MAN1B1: variants seen among roughly 807,000 people sequenced by gnomAD.
MAN1B1 encodes endoplasmic reticulum mannosyl-oligosaccharide 1,2-alpha-mannosidase.
Under a neutral mutation model 75.5 loss-of-function variants are expected in MAN1B1, and 66 were observed. That is an observed-to-expected ratio of 0.87 (90% CI 0.72 to 1.07). MAN1B1 has a LOEUF of 1.07. Among genes scored for constraint, MAN1B1 ranks in the 50% least tolerant of loss-of-function variants. MAN1B1 has a pLI of 0.00. For synonymous variants in MAN1B1, 453 were observed against 382.8 expected, an observed-to-expected ratio of 1.18 and a Z score of -2.14; for missense variants, 973 against 912.5, an observed-to-expected ratio of 1.07 and a Z score of -0.85.
In MAN1B1 at chr9:137,108,609, G is replaced by T; in HGVS notation, c.*18G>T. 1 of 1,612,906 alleles carries T rather than the reference G, an allele frequency of 6.2e-7. No individual in the cohort carries two copies. Among genetic ancestry groups the T allele is most frequent in the Non-Finnish European group, 8.5e-7 (1 of 1,179,454 alleles). ...CTGCCTAGGGTGGATGGCTGCTGGT[G>T]TGGGGACTTCGGGTGGGCAGAGGCA... On this transcript the variant is annotated 3_prime_UTR_variant, in exon 13 of 13. Transcript: ENST00000371589.
At chr9:137,102,529 G>A (rs1339732732) in intron 8 of MAN1B1, 16 of 437,858 alleles carry the variant, frequency 3.7e-5, no homozygotes, top group African/African-American at 6.1e-5. Context: ...CGCTGTTGCA[G>A]GCGTGCAGGT....
rs774769293 is a variant in MAN1B1 at position 137,106,168 on chromosome 9, G to A, written c.1298G>A (p.Gly433Glu). Residue 433 changes from glycine (G) to glutamate (E), a missense_variant, in exon 9 of 13, where the codon GGG becomes GAG. Physicochemically the swap from Gly to Glu is moderately conservative, Grantham distance 98. Coordinates refer to ENST00000371589, the MANE Select transcript of MAN1B1 (RefSeq NM_016219.5). ...KVTQHIHGLS[G>E]KKDGLVPMFI... ...ACACAGCACATCCACGGCCTGTCTG[G>A]GAAGAAGGATGGGCTGGTGCCCATG... 1.2e-6 allele frequency: 2 copies of A among 1,612,950 alleles called. No homozygotes were observed. Among genetic ancestry groups the A allele is most frequent in the South Asian group, 1.1e-5 (1 of 90,938 alleles).
intron 3 of MAN1B1, among the ~76,000 whole-genome samples, chr9:137,091,551 G>C (rs1475966613): frequency 1.7e-5 from 2 of 117,464 alleles, no homozygotes; most frequent in African/African-American, 3.0e-5. Flanking sequence ...TTTTGAGACA[G>C]AGTCTTCCTC....
At position 137,100,909 on chromosome 9, in the gene MAN1B1, C is replaced by CA. The variant is rs11425109; in HGVS notation, c.917-95dup. The stretch of plus-strand genomic sequence containing the variant: ...TGCTGGGATTACAGGCATGAGCCAC[C>CA]ACGCCCAGCCAAATGTATTTTGAAG... On this transcript the variant is annotated intron_variant, in intron 6 of 12. Transcript: ENST00000371589. 465,472 of 1,443,400 alleles carry CA rather than the reference C, an allele frequency of 0.32. 81,066 individuals carry two copies. The highest frequency in any genetic ancestry group is 0.36 in the Non-Finnish European group (376,490 of 1,033,998). The allele number at this position is 1,443,400 out of a possible 1,614,324, so 89.4% of individuals were successfully genotyped here.
At chr9:137,089,683 TG>T (rs1451457476) in intron 3 of MAN1B1, among the ~76,000 whole-genome samples, 6 of 152,160 alleles carry the variant, frequency 3.9e-5, no homozygotes, top group African/African-American at 1.2e-4. Context: ...GAAACTGCTC[TG>T]GCTGGGTGGA....
At chr9:137,090,144 T>G (rs1020629920) in intron 3 of MAN1B1, among the ~76,000 whole-genome samples, 6 of 152,230 alleles carry the variant, frequency 3.9e-5, no homozygotes, top group Non-Finnish European at 5.9e-5. Context: ...AGTGAAGGTT[T>G]GGTTCAGGAA....
intron 6 of MAN1B1, 120 bp from the exon 7 acceptor site, chr9:137,100,885 G>T (rs995181229): frequency 3.8e-5 from 43 of 1,128,584 alleles, no homozygotes; most frequent in Admixed American, 1.5e-4. Flanking sequence ...CTCCCAAAGT[G>T]CTGGGATTAC....
At chr9:137,102,194 GTGT>G (rs1043102942) in intron 8 of MAN1B1, 2 of 441,292 alleles carry the variant, frequency 4.5e-6, no homozygotes, top group African/African-American at 2.1e-5. Flanking sequence ...CAGGTCGGTG[GTGT>G]TACACGTGCT....
chr9:137,101,702 G>C, intron 8 of MAN1B1, 30 bp downstream of exon 8: 2 of 1,598,904 alleles, frequency 1.3e-6, no homozygotes, highest in South Asian at 1.1e-5. Flanking sequence ...GGCTGGATGC[G>C]CCTCCCCTGG....
chr9:137,099,889 G>C lies in MAN1B1; in HGVS notation c.916+8G>C, dbSNP rs781208200. ...TCTTGGGTCTGAGGAAAGGTACCTG[G>C]TGCTTTCTGGGGAGGGGCTGAGCCC... On this transcript the variant is annotated splice_region_variant and intron_variant, in intron 6 of 12. Coordinates refer to ENST00000371589, the MANE Select transcript of MAN1B1 (RefSeq NM_016219.5). 2.5e-6 allele frequency: 4 copies of C among 1,613,960 alleles called. No individual in the cohort carries two copies. The highest frequency in any genetic ancestry group is 3.4e-6 in the Non-Finnish European group (4 of 1,180,030).
intron 3 of MAN1B1, among the ~76,000 whole-genome samples, chr9:137,095,061 G>A (rs1037253935): frequency 3.3e-5 from 5 of 151,712 alleles, no homozygotes; most frequent in Non-Finnish European, 5.9e-5. Flanking sequence ...GGTGACACGC[G>A]CCTGTAATCC....
In MAN1B1 at chr9:137,096,278, G is replaced by A. The variant is rs1169184966; in HGVS notation, c.507G>A (p.Gln169=). ...RHIQRGPPHL[Q]IRPPSQDLKD... The stretch of plus-strand genomic sequence containing the variant: ...TCCAGCGGGGACCACCTCACCTGCA[G>A]ATTAGACCCCCAAGCCAAGACCTGA... The change falls in exon 4 of 13, where the codon CAG becomes CAA. Residue 169 remains glutamine, a synonymous_variant. Coordinates refer to ENST00000371589, the MANE Select transcript of MAN1B1 (RefSeq NM_016219.5). 2.5e-6 allele frequency: 4 copies of A among 1,614,146 alleles called. No homozygotes were observed. Among genetic ancestry groups the A allele is most frequent in the East Asian group, 4.5e-5 (2 of 44,882 alleles).
intron 2 of MAN1B1, chr9:137,088,422 C>G: frequency 2.6e-6 from 4 of 1,559,578 alleles, no homozygotes; most frequent in Non-Finnish European, 3.5e-6. Context: ...TGTCCAGCCT[C>G]CCTTATAGAG....
At chr9:137,089,759 G>T (rs1588582606) in intron 3 of MAN1B1, among the ~76,000 whole-genome samples, 1 of 152,140 alleles carries the variant, frequency 6.6e-6, no homozygotes. Flanking sequence ...GTGGGGGGAG[G>T]AGTGCTCCGC....
intron 3 of MAN1B1, among the ~76,000 whole-genome samples, chr9:137,095,260 G>T (rs896033430): frequency 2.0e-5 from 3 of 151,712 alleles, no homozygotes; most frequent in African/African-American, 7.3e-5. Flanking sequence ...TCACCATGTT[G>T]CCCAGGTTGG....
chr9:137,089,212 C>T (rs754160573), intron 3 of MAN1B1: 7 of 656,286 alleles, frequency 1.1e-5, no homozygotes, highest in African/African-American at 1.8e-5. Context: ...TGGCCAGTTC[C>T]GGTTTTACTT....
At chr9:137,091,322 G>C (rs957630834) in intron 3 of MAN1B1, among the ~76,000 whole-genome samples, 2 of 152,114 alleles carry the variant, frequency 1.3e-5, no homozygotes, top group African/African-American at 2.4e-5. Flanking sequence ...AGGAGCAGCT[G>C]GGGTGGTGGA....
chr9:137,093,232 A>G (rs1830561201), intron 3 of MAN1B1, among the ~76,000 whole-genome samples: 1 of 152,152 alleles, frequency 6.6e-6, no homozygotes, highest in African/African-American at 2.4e-5. Flanking sequence ...CATCTCTACT[A>G]AAAATACACA....
chr9:137,103,278 G>A (rs1830951831), intron 8 of MAN1B1: 5 of 437,588 alleles, frequency 1.1e-5, no homozygotes, highest in Admixed American at 1.0e-4. Flanking sequence ...TGCTGTTGCA[G>A]GCGTGCAGGT....
Sources: allele counts gnomAD v4.1 joint callset (sites outside exome capture counted in the v4.1 genomes callset), GRCh38; gene constraint gnomAD v4.1.1; transcripts MANE v1.5; gene names NCBI Gene and HGNC (gene_info 2026-07-23, HGNC 2026-07-21).